Variants in IREB2 observed in about 807,000 individuals in gnomAD.
The protein encoded by IREB2 is iron responsive element binding protein 2, also known as iron-responsive element-binding protein 2.
Under a neutral mutation model 118.8 loss-of-function variants are expected in IREB2, and 39 were observed. The ratio of observed to expected loss-of-function variants is 0.33; its 90% confidence interval spans 0.25 to 0.43. IREB2 has a LOEUF of 0.43. IREB2 is among the 20% of genes least tolerant of loss of function. IREB2 has a pLI of 1.00. For synonymous variants in IREB2, 372 were observed against 392.2 expected (o/e 0.95, Z 0.61); for missense variants, 900 against 1,147.3 (o/e 0.78, Z 3.11).
chr15:78,478,484 T>A, intron 10 of IREB2, 87 bp downstream of exon 10: 1 of 790,178 alleles, frequency 1.3e-6, no homozygotes, highest in Non-Finnish European at 2.1e-6. Context: ...GGGTTGATTG[T>A]TTGAGTTCAA....
chr15:78,454,321 A>G (rs1349091366), intron 2 of IREB2, among the ~76,000 whole-genome samples: 1 of 152,258 alleles, frequency 6.6e-6, no homozygotes, highest in Non-Finnish European at 1.5e-5. Flanking sequence ...AAACTTTGGT[A>G]TACAATGGAA....
At chr15:78,495,318 T>A (rs1161945647) in intron 20 of IREB2, among the ~76,000 whole-genome samples, 4 of 152,152 alleles carry the variant, frequency 2.6e-5, no homozygotes, top group African/African-American at 9.7e-5. Context: ...GTATAGGTTA[T>A]TTTTATCCTG....
At chr15:78,488,088 C>T (rs1410903120) in intron 14 of IREB2, 92 bp from the exon 15 acceptor site, 2 of 1,262,324 alleles carry the variant, frequency 1.6e-6, no homozygotes, top group South Asian at 1.6e-5. Flanking sequence ...TAATCTCGCC[C>T]TCAGACTTTA....
upstream of IREB2, among the ~76,000 whole-genome samples, chr15:78,437,917 A>G (rs1382124211): frequency 2.0e-5 from 3 of 152,208 alleles, no homozygotes; most frequent in Admixed American, 6.5e-5. Context: ...TCCAACAGAC[A>G]CCTTGCGGGA....
chr15:78,480,463 T>A (rs1021813963), intron 10 of IREB2, among the ~76,000 whole-genome samples: 15 of 148,490 alleles, frequency 1.0e-4, no homozygotes, highest in African/African-American at 3.5e-4. Context: ...GCAGATCACC[T>A]CCTGAGGTCA....
intron 1 of IREB2, among the ~76,000 whole-genome samples, chr15:78,439,457 G>A (rs904517875): frequency 2.6e-5 from 4 of 151,936 alleles, no homozygotes; most frequent in Non-Finnish European, 5.9e-5. Flanking sequence ...CCCTTTCCAG[G>A]TATTCTTATC....
intron 16 of IREB2, among the ~76,000 whole-genome samples, chr15:78,489,254 A>C (rs2051710334): frequency 6.6e-6 from 1 of 151,730 alleles, no homozygotes; most frequent in Non-Finnish European, 1.5e-5. Flanking sequence ...AAAATGTCTT[A>C]GAGGATCAGA....
intron 2 of IREB2, among the ~76,000 whole-genome samples, chr15:78,454,480 T>G (rs1268119938): frequency 6.6e-6 from 1 of 151,896 alleles, no homozygotes; most frequent in Admixed American, 6.6e-5. Flanking sequence ...AGGCATAGAG[T>G]AGATTGGTGG....
chr15:78,473,387 T>A lies in IREB2; in HGVS notation c.1023+6T>A. The A allele has an allele frequency of 6.2e-7, 1 of 1,612,226 alleles. No individual in the cohort carries two copies. Among genetic ancestry groups the A allele is most frequent in the Non-Finnish European group, 8.5e-7 (1 of 1,178,806 alleles). On this transcript the variant is annotated splice_donor_region_variant and intron_variant, in intron 8 of 21. Transcript: ENST00000258886. ...TTGTTCTTGGTATTACAAAGGTAAG[T>A]TAAAGTTGTGGTAGCTCTATGACTT... is the stretch of plus-strand genomic sequence containing the variant.
chr15:78,488,035 A>G (rs2051689821), intron 14 of IREB2, 145 bp from the exon 15 acceptor site: 2 of 726,902 alleles, frequency 2.8e-6, no homozygotes, highest in Non-Finnish European at 4.4e-6. Context: ...TATTTGCAAG[A>G]TGCATAGTTC....
chr15:78,454,947 C>T (rs1337189093), intron 2 of IREB2, among the ~76,000 whole-genome samples: 3 of 152,124 alleles, frequency 2.0e-5, no homozygotes, highest in Non-Finnish European at 4.4e-5. Context: ...ACCTTGGCCT[C>T]TCAAAGTGCT....
chr15:78,476,096 T>G, intron 8 of IREB2, 92 bp from the exon 9 acceptor site: 1 of 887,196 alleles, frequency 1.1e-6, no homozygotes, highest in Non-Finnish European at 1.7e-6. Context: ...ATCACTAGTA[T>G]TGGTTAAAAA....
intron 5 of IREB2, among the ~76,000 whole-genome samples, chr15:78,469,285 A>G (rs769576746): frequency 4.2e-4 from 64 of 152,324 alleles, no homozygotes; most frequent in Non-Finnish European, 5.9e-5. Flanking sequence ...CTTTGTAGCC[A>G]TAAGTGCTAT....
chr15:78,478,993 A>G lies in IREB2; in HGVS notation c.1296+596A>G, dbSNP rs191984074. ...CGGCTCTTTCACCAGACTAGAGTGCAGTGGCACAATCATGGTTCACTGTAG... is the reference window on the plus strand; with the variant it reads ...CGGCTCTTTCACCAGACTAGAGTGCGGTGGCACAATCATGGTTCACTGTAG... On this transcript the variant is annotated intron_variant, in intron 10 of 21. Coordinates refer to ENST00000258886, the MANE Select transcript of IREB2 (RefSeq NM_004136.4). Among the ~76,000 whole-genome samples, 413 of 152,336 alleles carry G rather than the reference A, an allele frequency of 2.7e-3. 1 individual carries two copies. The highest frequency in any genetic ancestry group is 9.2e-3 in the African/African-American group (383 of 41,590).
At chr15:78,480,152 T>C (rs972486138) in intron 10 of IREB2, 2 of 152,176 alleles carry the variant, frequency 1.3e-5, no homozygotes, top group Non-Finnish European at 2.9e-5. Context: ...AGATATTCAG[T>C]AAACGTGTTA....
At chr15:78,485,525 A>G (rs909352158) in intron 12 of IREB2, among the ~76,000 whole-genome samples, 180 bp from the exon 13 acceptor site, 1 of 152,250 alleles carries the variant, frequency 6.6e-6, no homozygotes, top group Non-Finnish European at 1.5e-5. Flanking sequence ...AAAGGCTGTA[A>G]TTTTAAATTT....
At chr15:78,438,444 G>A (rs1595979209) in intron 1 of IREB2, 88 bp downstream of exon 1, 31 of 1,436,630 alleles carry the variant, frequency 2.2e-5, no homozygotes, top group Middle Eastern at 3.9e-4. Flanking sequence ...GCCTGGAGTC[G>A]CTCGGCAGGC....
intron 2 of IREB2, among the ~76,000 whole-genome samples, chr15:78,440,844 T>G (rs944307489): frequency 1.4e-4 from 21 of 152,206 alleles, no homozygotes; most frequent in African/African-American, 4.3e-4. Context: ...GGGTCAAACC[T>G]TTCTCTGTGG....
intron 2 of IREB2, among the ~76,000 whole-genome samples, chr15:78,446,912 G>A (rs1284284201): frequency 6.6e-6 from 1 of 151,368 alleles, no homozygotes; most frequent in East Asian, 1.9e-4. Context: ...AAGAATATGT[G>A]TTTCTGCACC....
Sources: allele counts gnomAD v4.1 joint callset (sites outside exome capture counted in the v4.1 genomes callset), GRCh38; gene constraint gnomAD v4.1.1; transcripts MANE v1.5; gene names NCBI Gene and HGNC (gene_info 2026-07-23, HGNC 2026-07-21).